Variants in GNAO1 observed in about 807,000 individuals in gnomAD.
GNAO1 encodes the protein guanine nucleotide-binding protein G(o) subunit alpha.
For missense variants in GNAO1, 166 were observed against 478.7 expected, an observed-to-expected ratio of 0.35 and a Z score of 6.10; for synonymous variants, 164 against 180.7, an observed-to-expected ratio of 0.91 and a Z score of 0.74.
At chr16:56,287,671 CTA>C in intron 3 of GNAO1, among the ~76,000 whole-genome samples, 1 of 152,282 alleles carries the variant, frequency 6.6e-6, no homozygotes, top group African/African-American at 2.4e-5. Context: ...GGCCTCTTAG[CTA>C]TTACAGGTCA....
chr16:56,309,675 G>A (rs1234350647), intron 3 of GNAO1, among the ~76,000 whole-genome samples: 1 of 152,212 alleles, frequency 6.6e-6, no homozygotes, highest in Non-Finnish European at 1.5e-5. Context: ...CTTCTGCTAG[G>A]AGAAGAGGGA....
chr16:56,344,440 C>T, intron 6 of GNAO1: 1 of 1,003,608 alleles, frequency 1.0e-6, no homozygotes, highest in Non-Finnish European at 1.2e-6. Context: ...AGGGTGGGAT[C>T]AGGCCAACTT....
intron 3 of GNAO1, among the ~76,000 whole-genome samples, chr16:56,310,785 A>G (rs1027743567): frequency 6.6e-6 from 1 of 152,078 alleles, no homozygotes; most frequent in Non-Finnish European, 1.5e-5. Flanking sequence ...CAGATGCAAT[A>G]GGTTATTTCT....
Position 56,289,033 on chromosome 16 carries a change from A to G in GNAO1, c.303+12961A>G, listed in dbSNP as rs60893469. Among the ~76,000 whole-genome samples the G allele has an allele frequency of 5.8e-3, 784 of 136,054 alleles. 8 individuals are homozygous for G. Among genetic ancestry groups the G allele is most frequent in the African/African-American group, 0.018 (673 of 37,334 alleles). The allele number at this position is 136,054 out of a possible 152,430, so 89.3% of individuals were successfully genotyped here. A position where few individuals can be genotyped will look rare whatever the true frequency, so the allele number is the denominator to read the frequency against. ...AAGGTTCTTCCTTTGTATCCAAAAAAGGGGGGGGGAGCGGAAAAAAGAGAA... is the reference window on the plus strand; with the variant it reads ...AAGGTTCTTCCTTTGTATCCAAAAAGGGGGGGGGGAGCGGAAAAAAGAGAA... On this transcript the variant is annotated intron_variant, in intron 3 of 8. Coordinates refer to ENST00000262493, the MANE Select transcript of GNAO1 (RefSeq NM_020988.3).
Position 56,272,751 on chromosome 16 carries a change from C to G in GNAO1, c.162-3180C>G, listed in dbSNP as rs75480197. Among the ~76,000 whole-genome samples the G allele has an allele frequency of 7.0e-3, 1,065 of 152,314 alleles. 30 individuals carry two copies. Among genetic ancestry groups the G allele is most frequent in the Admixed American group, 0.051 (773 of 15,298 alleles). ...GTATAATAAAATCCCACCCTTTCCA[C>G]CTGATCAAGTGCATATAAAGATTAA... On this transcript the variant is annotated intron_variant, in intron 2 of 8. Transcript: ENST00000262493.
chr16:56,256,690 C>CTCTGTCTCTCTG (rs1555503330), intron 2 of GNAO1, among the ~76,000 whole-genome samples: 34 of 110,354 alleles, frequency 3.1e-4, no homozygotes, highest in African/African-American at 1.3e-3. Context: ...CTCTCTGTCT[C>CTCTGTCTCTCTG]TCTCTCTCTC....
rs566779465 is a variant in GNAO1, at chr16:56,311,791, G to A, written c.304-16840G>A. Reference sequence around the variant, plus strand: ...CTGCCCCGCCCAGCACGGCCCGCTGGGACCTCCTTGCCTGGCCCAGCTGCT... The same window carrying A: ...CTGCCCCGCCCAGCACGGCCCGCTGAGACCTCCTTGCCTGGCCCAGCTGCT... On this transcript the variant is annotated intron_variant, in intron 3 of 8. Coordinates refer to ENST00000262493, the MANE Select transcript of GNAO1 (RefSeq NM_020988.3). The surrounding 1 kb of genome is among the most constrained non-coding windows in gnomAD (Gnocchi z 5.2). 6.6e-5 allele frequency among the ~76,000 whole-genome samples: 10 copies of A among 152,114 alleles called. No homozygotes were observed. The South Asian group carries it at 2.1e-3, about 32-fold the overall frequency.
intron 2 of GNAO1, among the ~76,000 whole-genome samples, chr16:56,267,617 G>A (rs928625982): frequency 1.4e-4 from 22 of 152,168 alleles, no homozygotes; most frequent in African/African-American, 4.8e-4. Context: ...CTGAGAGGCC[G>A]GTCCCACCCT....
At chr16:56,353,125 A>G (rs899229) in intron 7 of GNAO1, 31,576 of 152,320 alleles carry the variant, frequency 0.21, 3,539 homozygotes, top group African/African-American at 0.28. Context: ...AGGGCACAGG[A>G]CAAGCCCTGA....
intron 2 of GNAO1, among the ~76,000 whole-genome samples, chr16:56,237,759 C>G (rs2036652372): frequency 6.6e-6 from 1 of 152,076 alleles, no homozygotes; most frequent in South Asian, 2.1e-4. Flanking sequence ...AACAAACACT[C>G]TGGCTCCAGA....
intron 6 of GNAO1, chr16:56,347,123 C>T (rs2037877125): frequency 2.0e-6 from 2 of 985,428 alleles, no homozygotes; most frequent in Non-Finnish European, 2.4e-6. Flanking sequence ...AATGAGCACT[C>T]GGACTGTTTC....
intron 2 of GNAO1, among the ~76,000 whole-genome samples, chr16:56,229,054 A>G (rs1298512850): frequency 6.6e-6 from 1 of 152,204 alleles, no homozygotes; most frequent in East Asian, 1.9e-4. Context: ...CTTTTGTTTT[A>G]TATAACCCAA....
rs1459919241 is a variant in GNAO1, at chr16:56,191,541, C to G, written c.-695C>G. On this transcript the variant is annotated 5_prime_UTR_variant, in exon 1 of 9. Coordinates refer to ENST00000262493, the MANE Select transcript of GNAO1 (RefSeq NM_020988.3). The surrounding 1 kb of genome is among the most constrained non-coding windows in gnomAD (Gnocchi z 4.7). ...CTGGCTGCGGCTCCCTGGCGCTCTC[C>G]CTCTCTCTCCGGTAGGCTCACCGAG... 1 of 151,074 alleles carries G rather than the reference C, an allele frequency of 6.6e-6. No homozygotes were observed. Among genetic ancestry groups the G allele is most frequent in the African/African-American group, 2.4e-5 (1 of 41,052 alleles). The allele number at this position is 151,074 out of a possible 1,614,324, so 9.4% of individuals were successfully genotyped here. A position where few individuals can be genotyped will look rare whatever the true frequency, so the allele number is the denominator to read the frequency against.
intron 2 of GNAO1, among the ~76,000 whole-genome samples, chr16:56,261,638 G>A (rs1041708743): frequency 6.6e-6 from 1 of 152,156 alleles, no homozygotes; most frequent in South Asian, 2.1e-4. Flanking sequence ...CGGGGGAGGA[G>A]TGGACAGTCC....
At position 56,285,078 on chromosome 16, in the gene GNAO1, A is replaced by T. The variant is rs113654617; in HGVS notation, c.303+9006A>T. ...TTCCGTGGCGTGCAGAGTTGAGTGG[A>T]TGCTCAAGGCTGGGCTGCCATCAGT... On this transcript the variant is annotated intron_variant, in intron 3 of 8. Transcript: ENST00000262493. Among the ~76,000 whole-genome samples the T allele has an allele frequency of 3.3e-4, 51 of 152,252 alleles. No homozygotes were observed. In the East Asian group the frequency reaches 5.2e-3, roughly 16 times the overall value.
chr16:56,341,481 AT>A (rs2037802862), intron 6 of GNAO1, among the ~76,000 whole-genome samples: 1 of 152,226 alleles, frequency 6.6e-6, no homozygotes, highest in Non-Finnish European at 1.5e-5. Context: ...TGAAGAGGGA[AT>A]GAGCTGATGG....
intron 6 of GNAO1, chr16:56,344,648 G>T: frequency 2.0e-6 from 2 of 985,594 alleles, no homozygotes; most frequent in South Asian, 4.7e-5. Flanking sequence ...CGTGGAGCGG[G>T]GGGAGGGAGA....
At chr16:56,234,103 CT>C (rs1270599610) in intron 2 of GNAO1, among the ~76,000 whole-genome samples, 1 of 152,202 alleles carries the variant, frequency 6.6e-6, no homozygotes, top group Non-Finnish European at 1.5e-5. Context: ...CCCACACCCA[CT>C]TTGTTTATAT....
intron 2 of GNAO1, among the ~76,000 whole-genome samples, chr16:56,269,053 A>T (rs1051036771): frequency 2.0e-5 from 3 of 152,098 alleles, no homozygotes; most frequent in Admixed American, 6.5e-5. Flanking sequence ...GGAGTGAAGC[A>T]CTGGGCCCTG....
Sources: allele counts gnomAD v4.1 joint callset (sites outside exome capture counted in the v4.1 genomes callset), GRCh38; gene constraint gnomAD v4.1.1; non-coding constraint Gnocchi (gnomAD v3.1); transcripts MANE v1.5; gene names NCBI Gene and HGNC (gene_info 2026-07-23, HGNC 2026-07-21).